The following TAFA2 variants were observed in gnomAD, a reference collection of about 807,000 sequenced individuals.
TAFA2 encodes chemokine-like protein TAFA-2.
In TAFA2, 7 loss-of-function variants were observed where a neutral mutation model predicts 18.8. The ratio of observed to expected loss-of-function variants is 0.37; its 90% CI spans 0.21 to 0.70. The LOEUF is 0.70. TAFA2 is among the 30% of genes least tolerant of loss of function. TAFA2 has a pLI of 0.53. For missense variants in TAFA2, 122 were observed against 158.1 expected (o/e 0.77, Z 1.23); for synonymous variants, 60 against 54.2 (o/e 1.11, Z -0.47).
chr12:61,917,667 C>T (rs1876881724), intron 1 of TAFA2, among the ~76,000 whole-genome samples: 1 of 152,060 alleles, frequency 6.6e-6, no homozygotes, highest in Admixed American at 6.6e-5. Context: ...TTCATGTTAC[C>T]TGTTAAAGAA....
chr12:61,756,335 A>T (rs772161041), intron 2 of TAFA2, among the ~76,000 whole-genome samples: 8 of 152,110 alleles, frequency 5.3e-5, no homozygotes, highest in Non-Finnish European at 1.2e-4. Context: ...TTCAAACACA[A>T]ATCTATCTCT....
chr12:62,098,388 A>G (rs1869039320), intron 1 of TAFA2, among the ~76,000 whole-genome samples: 1 of 152,186 alleles, frequency 6.6e-6, no homozygotes, highest in Non-Finnish European at 1.5e-5. Context: ...ATATGAAGAG[A>G]AAAAAGCTAG....
intron 1 of TAFA2, among the ~76,000 whole-genome samples, chr12:62,225,415 T>C (rs955485918): frequency 2.0e-5 from 3 of 151,940 alleles, no homozygotes; most frequent in Non-Finnish European, 2.9e-5. Context: ...CTATAAGAAA[T>C]CATGTGAGAA....
chr12:62,067,003 A>G (rs902667478), intron 1 of TAFA2, among the ~76,000 whole-genome samples: 2 of 152,068 alleles, frequency 1.3e-5, no homozygotes, highest in African/African-American at 4.8e-5. Flanking sequence ...GATAAAAGCC[A>G]TTTTAACTGG....
chr12:62,123,027 C>T (rs915976693), intron 1 of TAFA2, among the ~76,000 whole-genome samples: 1 of 152,202 alleles, frequency 6.6e-6, no homozygotes, highest in Non-Finnish European at 1.5e-5. Context: ...CTACAGGTAT[C>T]TACATATTTC....
At chr12:61,947,981 C>T (rs1878338042) in intron 1 of TAFA2, among the ~76,000 whole-genome samples, 1 of 152,008 alleles carries the variant, frequency 6.6e-6, no homozygotes, top group African/African-American at 2.4e-5. Context: ...TTATAGAAAC[C>T]ACAAACATCT....
chr12:62,216,260 T>C (rs1264020983), intron 1 of TAFA2, among the ~76,000 whole-genome samples: 1 of 152,172 alleles, frequency 6.6e-6, no homozygotes, highest in Non-Finnish European at 1.5e-5. Flanking sequence ...ACATGCTTGG[T>C]AATTAGCAGA....
intron 1 of TAFA2, among the ~76,000 whole-genome samples, chr12:61,983,276 C>T (rs1224804789): frequency 6.6e-6 from 1 of 152,178 alleles, no homozygotes; most frequent in Non-Finnish European, 1.5e-5. Flanking sequence ...ACAGCAGTAC[C>T]ATTTACAGTA....
chr12:61,915,717 A>G (rs1304726444), intron 1 of TAFA2, among the ~76,000 whole-genome samples: 1 of 152,214 alleles, frequency 6.6e-6, no homozygotes, highest in Non-Finnish European at 1.5e-5. Flanking sequence ...AAAGCCTGAT[A>G]GTCTGCAGCT....
intron 1 of TAFA2, among the ~76,000 whole-genome samples, chr12:62,033,684 T>TTATA (rs144821417): frequency 7.9e-5 from 12 of 151,246 alleles, no homozygotes; most frequent in African/African-American, 2.9e-4. Context: ...CATAAACATG[T>TTATA]TATATATATA....
At chr12:62,159,577 A>G (rs2062392574) in intron 1 of TAFA2, among the ~76,000 whole-genome samples, 1 of 152,176 alleles carries the variant, frequency 6.6e-6, no homozygotes, top group Non-Finnish European at 1.5e-5. Flanking sequence ...TTTTAAACTA[A>G]ACTTAGTCCA....
intron 1 of TAFA2, among the ~76,000 whole-genome samples, chr12:62,157,084 G>A (rs963248243): frequency 6.6e-6 from 1 of 152,068 alleles, no homozygotes; most frequent in Admixed American, 6.6e-5. Context: ...TATGCAGTTT[G>A]TGAATTAAAA....
intron 4 of TAFA2, among the ~76,000 whole-genome samples, chr12:61,740,478 TA>T (rs796383203): frequency 0.035 from 4,855 of 138,450 alleles, 238 homozygotes; most frequent in African/African-American, 0.12. Context: ...ACTTAAAGTC[TA>T]AAAAAAAAAA....
At chr12:61,947,837 A>G (rs1431873152) in intron 1 of TAFA2, among the ~76,000 whole-genome samples, 1 of 152,186 alleles carries the variant, frequency 6.6e-6, no homozygotes, top group East Asian at 1.9e-4. Flanking sequence ...TTGGATCTGA[A>G]GAGCTTAGCA....
chr12:62,036,029 C>A (rs952745630), intron 1 of TAFA2, among the ~76,000 whole-genome samples: 1 of 151,984 alleles, frequency 6.6e-6, no homozygotes, highest in Non-Finnish European at 1.5e-5. Context: ...CGTGAGCCAC[C>A]GCGCCCGGCC....
chr12:62,008,207 A>G (rs903477412), intron 1 of TAFA2, among the ~76,000 whole-genome samples: 3 of 152,106 alleles, frequency 2.0e-5, no homozygotes, highest in Non-Finnish European at 4.4e-5. Flanking sequence ...GGATGTTTAA[A>G]TAATTCATTG....
chr12:61,901,259 C>CTTTTTTTTTTTTTT (rs1203233805), intron 1 of TAFA2, among the ~76,000 whole-genome samples: 4 of 10,898 alleles, frequency 3.7e-4, no homozygotes, highest in Admixed American at 8.4e-4. Flanking sequence ...TTCAATTTCA[C>CTTTTTTTTTTTTTT]TTTTTTTTTT....
chr12:62,258,928 A>G (rs2062960770), upstream of TAFA2: 1 of 181,070 alleles, frequency 5.5e-6, no homozygotes, highest in African/African-American at 2.4e-5. Flanking sequence ...GAGAAAAGCC[A>G]GAAATAGCAG....
chr12:61,836,647 T>C (rs1872930374), intron 2 of TAFA2, among the ~76,000 whole-genome samples: 1 of 150,790 alleles, frequency 6.6e-6, no homozygotes, highest in Non-Finnish European at 1.5e-5. Context: ...TTGAAAGCAG[T>C]TCAAAACAGC....
Sources: allele counts gnomAD v4.1 joint callset (sites outside exome capture counted in the v4.1 genomes callset), GRCh38; gene constraint gnomAD v4.1.1; transcripts MANE v1.5; gene names NCBI Gene and HGNC (gene_info 2026-07-23, HGNC 2026-07-21).